ERC2: variants seen among roughly 807,000 people sequenced by gnomAD.
The protein encoded by ERC2 is ERC protein 2.
Under a neutral mutation model 114.8 loss-of-function variants are expected in ERC2, and 42 were observed. The ratio of observed to expected loss-of-function variants is 0.37; its 90% CI spans 0.29 to 0.47. The LOEUF is 0.47. ERC2 is among the 20% of genes least tolerant of loss of function. The pLI, the probability that ERC2 is intolerant of heterozygous loss-of-function variation, is 0.99. For synonymous variants in ERC2, 454 were observed against 425.5 expected (o/e 1.07, Z -0.82); for missense variants, 939 against 1,150.7 (o/e 0.82, Z 2.66).
chr3:56,351,300 C>T, intron 2 of ERC2, among the ~76,000 whole-genome samples: 1 of 151,998 alleles, frequency 6.6e-6, no homozygotes, highest in East Asian at 1.9e-4. Context: ...GAAAATTAAG[C>T]AGAACTACTA....
At chr3:55,798,011 T>C (rs1005747683) in intron 14 of ERC2, among the ~76,000 whole-genome samples, 2 of 152,034 alleles carry the variant, frequency 1.3e-5, no homozygotes, top group Non-Finnish European at 2.9e-5. Flanking sequence ...CTAGAGAAAC[T>C]AGCCAGAATG....
intron 2 of ERC2, among the ~76,000 whole-genome samples, chr3:56,397,489 T>C (rs1430515463): frequency 1.3e-5 from 2 of 152,226 alleles, no homozygotes; most frequent in Non-Finnish European, 2.9e-5. Context: ...AATTGTAGCA[T>C]GCACTCTGTT....
intron 17 of ERC2, among the ~76,000 whole-genome samples, chr3:55,572,741 C>A (rs182221732): frequency 6.6e-6 from 1 of 152,116 alleles, no homozygotes; most frequent in Non-Finnish European, 1.5e-5. Context: ...CCCTGGAGGG[C>A]CTCCCTCCAA....
At chr3:55,885,643 CAT>C (rs1384977794) in intron 14 of ERC2, among the ~76,000 whole-genome samples, 3 of 152,196 alleles carry the variant, frequency 2.0e-5, no homozygotes, top group Non-Finnish European at 4.4e-5. Context: ...AGTGGGAAAA[CAT>C]ACACATGGAA....
At chr3:56,161,374 C>T (rs1434925501) in intron 4 of ERC2, among the ~76,000 whole-genome samples, 1 of 152,126 alleles carries the variant, frequency 6.6e-6, no homozygotes, top group Non-Finnish European at 1.5e-5. Flanking sequence ...ATTGCTTTGG[C>T]TATTCAAGTT....
At chr3:55,816,917 A>G (rs2149141057) in intron 14 of ERC2, among the ~76,000 whole-genome samples, 1 of 152,318 alleles carries the variant, frequency 6.6e-6, no homozygotes, top group Middle Eastern at 3.4e-3. Context: ...GCTGTCTGGC[A>G]TGTGCAGCAG....
chr3:56,204,995 G>C (rs1198508310), intron 3 of ERC2, among the ~76,000 whole-genome samples: 1 of 151,498 alleles, frequency 6.6e-6, no homozygotes, highest in Non-Finnish European at 1.5e-5. Context: ...CTGGATTTAA[G>C]TTGTCTTTGA....
chr3:55,635,038 C>T (rs1161364636), intron 17 of ERC2, among the ~76,000 whole-genome samples: 1 of 152,014 alleles, frequency 6.6e-6, no homozygotes, highest in African/African-American at 2.4e-5. Context: ...CATGCCACCA[C>T]ACCCAGCTAA....
chr3:55,694,509 T>C (rs188045157), intron 16 of ERC2, among the ~76,000 whole-genome samples: 3 of 152,342 alleles, frequency 2.0e-5, no homozygotes, highest in Admixed American at 2.0e-4. Flanking sequence ...TGGTTTTCTG[T>C]AAGTAAAATG....
At chr3:56,161,268 C>T (rs908130272) in intron 4 of ERC2, among the ~76,000 whole-genome samples, 48 of 152,176 alleles carry the variant, frequency 3.2e-4, no homozygotes, top group African/African-American at 1.1e-3. Context: ...CATGCTTGTA[C>T]AGCCTGCCAA....
intron 7 of ERC2, among the ~76,000 whole-genome samples, chr3:56,024,368 C>G (rs1028138307): frequency 1.3e-5 from 2 of 152,170 alleles, no homozygotes; most frequent in African/African-American, 4.8e-5. Flanking sequence ...ACTGTGTTGG[C>G]AATACTACAT....
chr3:55,637,273 T>C (rs930155342), intron 17 of ERC2, among the ~76,000 whole-genome samples: 2 of 152,194 alleles, frequency 1.3e-5, no homozygotes, highest in Non-Finnish European at 2.9e-5. Context: ...AGAAATGTAA[T>C]TCCTTCTCAT....
At chr3:55,665,529 A>G (rs975442585) in intron 17 of ERC2, among the ~76,000 whole-genome samples, 61 of 152,154 alleles carry the variant, frequency 4.0e-4, no homozygotes, top group African/African-American at 1.4e-3. Context: ...AGACACATGC[A>G]CTCAACAACG....
chr3:56,170,846 G>A (rs2082626448), intron 4 of ERC2, among the ~76,000 whole-genome samples: 1 of 147,054 alleles, frequency 6.8e-6, no homozygotes, highest in Non-Finnish European at 1.5e-5. Context: ...CTCACTGCAA[G>A]CTCCGCCTCC....
chr3:55,866,553 C>T (rs2062325530), intron 14 of ERC2, among the ~76,000 whole-genome samples: 1 of 151,322 alleles, frequency 6.6e-6, no homozygotes, highest in Non-Finnish European at 1.5e-5. Context: ...CCAAGTTCAC[C>T]AAGATTTATG....
At chr3:55,863,586 T>A (rs561312517) in intron 14 of ERC2, among the ~76,000 whole-genome samples, 1 of 152,232 alleles carries the variant, frequency 6.6e-6, no homozygotes, top group Non-Finnish European at 1.5e-5. Context: ...CCACTTTGAA[T>A]GGTTTTGCTC....
At chr3:55,737,046 C>A (rs2065678671) in intron 14 of ERC2, among the ~76,000 whole-genome samples, 1 of 152,194 alleles carries the variant, frequency 6.6e-6, no homozygotes, top group Non-Finnish European at 1.5e-5. Context: ...CCCTCGCACA[C>A]AAGGCCCAGG....
chr3:56,269,503 T>A (rs1191057200), intron 3 of ERC2, among the ~76,000 whole-genome samples: 1 of 152,028 alleles, frequency 6.6e-6, no homozygotes, highest in Non-Finnish European at 1.5e-5. Flanking sequence ...AAACAAAAGC[T>A]GAAATGTGAG....
intron 17 of ERC2, among the ~76,000 whole-genome samples, chr3:55,557,831 C>A (rs561365635): frequency 6.6e-6 from 1 of 152,352 alleles, no homozygotes; most frequent in East Asian, 1.9e-4. Flanking sequence ...TTTACCTAAG[C>A]AACTCCAACT....
Sources: allele counts gnomAD v4.1 joint callset (sites outside exome capture counted in the v4.1 genomes callset), GRCh38; gene constraint gnomAD v4.1.1; transcripts MANE v1.5; gene names NCBI Gene and HGNC (gene_info 2026-07-23, HGNC 2026-07-21).